AHCY: variants seen among roughly 807,000 people sequenced by gnomAD.
The protein encoded by AHCY is S-adenosyl-L-homocysteine hydrolase.
AHCY carries 24 observed loss-of-function variants against 45.4 expected under a neutral mutation model. The observed-to-expected ratio is 0.53, with a 90% CI of 0.38 to 0.74. The LOEUF (loss-of-function observed/expected upper bound fraction) is 0.74. Ranked by LOEUF, AHCY falls within the 30% of genes least tolerant of loss-of-function variation. The pLI is 0.00. For missense variants in AHCY, 449 were observed against 594.1 expected (o/e 0.76, Z 2.54); for synonymous variants, 245 against 235.1 (o/e 1.04, Z -0.39).
chr20:34,269,946 TAAA>T, the AHCY span, among the ~76,000 whole-genome samples: 636 of 59,118 alleles, frequency 0.011, 5 homozygotes, highest in African/African-American at 0.029. Context: ...AACTCTGTCT[TAAA>T]AAAAAAAAAA....
the AHCY span, among the ~76,000 whole-genome samples, chr20:34,245,166 G>A: frequency 2.6e-5 from 4 of 151,192 alleles, no homozygotes; most frequent in Admixed American, 6.6e-5. Context: ...AAACCCCGTC[G>A]CTACTAAAAA....
the AHCY span, among the ~76,000 whole-genome samples, chr20:34,239,647 G>A: frequency 2.0e-5 from 3 of 152,200 alleles, no homozygotes; most frequent in African/African-American, 7.2e-5. Context: ...TGTTCAGACA[G>A]TTTATGTGAC....
At chr20:34,303,157 C>T in intron 1 of AHCY, 86 bp downstream of exon 1, 1 of 1,543,186 alleles carries the variant, frequency 6.5e-7, no homozygotes, top group South Asian at 1.2e-5. Flanking sequence ...TCCAGAGAGC[C>T]CCGAGTCGGC....
At position 34,280,875 on chromosome 20, in the gene AHCY, G is replaced by A; in HGVS notation, c.*159C>T. The A allele has an allele frequency of 1.8e-6, 2 of 1,105,820 alleles. No homozygotes were observed. Among genetic ancestry groups the A allele is most frequent in the Non-Finnish European group, 2.6e-6 (2 of 763,646 alleles). 68.5% of individuals were successfully genotyped at this position (1,105,820 alleles called of 1,614,324 possible). ...CCCGCTGCCACATTTGGAACAGTAT[G>A]ACGGCTGCAGCAGAGGCCAAAAACT... is the stretch of plus-strand genomic sequence containing the variant. On this transcript the variant is annotated 3_prime_UTR_variant, in exon 10 of 10. Transcript: ENST00000217426.
In AHCY at chr20:34,290,776, T is replaced by C. The variant is rs966253953; in HGVS notation, c.721A>G (p.Ile241Val). The change falls in exon 6 of 10, where the codon ATC becomes GTC. Residue 241 changes from isoleucine to valine, a missense_variant. Ile to Val is a conservative substitution (Grantham distance 29, BLOSUM62 3). Coordinates refer to ENST00000217426, the MANE Select transcript of AHCY (RefSeq NM_000687.4). This position sits in a 1 kb window ranked among gnomAD's most constrained non-coding sequence, Gnocchi z 4.5. ...GCGTTGATGGGGTCAATCTCGGTGA[T>C]GATGACGCGGGCTCCGAAACCCCGC... ...ALRGFGARVIITEIDPINALQ... is the reference protein window; with the variant it reads ...ALRGFGARVIVTEIDPINALQ... 1.2e-6 allele frequency: 2 copies of C among 1,614,032 alleles called. No individual in the cohort carries two copies. The highest frequency in any genetic ancestry group is 1.3e-5 in the African/African-American group (1 of 75,020).
downstream of AHCY, among the ~76,000 whole-genome samples, chr20:34,276,987 G>A (rs185924988): frequency 8.5e-5 from 13 of 152,226 alleles, no homozygotes; most frequent in East Asian, 2.3e-3. Context: ...AAGCAGGGCT[G>A]TCCCAACAGC....
the AHCY span, chr20:34,241,572 C>T: frequency 1.0e-6 from 1 of 973,368 alleles, no homozygotes; most frequent in Non-Finnish European, 1.2e-6. Context: ...TAACAGTTAT[C>T]CCTCCTTTCT....
chr20:34,262,662 CG>C, the AHCY span, among the ~76,000 whole-genome samples: 1 of 152,078 alleles, frequency 6.6e-6, no homozygotes. Context: ...GGTCAGTAGC[CG>C]GGCTAACAAG....
chr20:34,235,891 AAGGAAGGAAAGGAAGG>A, the AHCY span, among the ~76,000 whole-genome samples: 1 of 97,662 alleles, frequency 1.0e-5, no homozygotes, highest in East Asian at 3.6e-4. Flanking sequence ...GGAAGGAAGG[AAGGAAGGAAAGGAAGG>A]AAGGAAGGAA....
intron 1 of AHCY, among the ~76,000 whole-genome samples, chr20:34,297,425 A>G (rs2036610571): frequency 6.6e-6 from 1 of 151,756 alleles, no homozygotes; most frequent in Non-Finnish European, 1.5e-5. Context: ...AGCCTCCCCA[A>G]TAGCTGGGAT....
At chr20:34,279,414 C>T (rs1488753065), downstream of AHCY, among the ~76,000 whole-genome samples, 4 of 148,734 alleles carry the variant, frequency 2.7e-5, no homozygotes, top group African/African-American at 9.9e-5. Flanking sequence ...CAGAGCGAGA[C>T]TGTCTAGAAA....
chr20:34,305,841 G>T (rs1296548312), upstream of AHCY, among the ~76,000 whole-genome samples: 3 of 152,130 alleles, frequency 2.0e-5, no homozygotes, highest in African/African-American at 7.2e-5. Context: ...CCAGCACTTT[G>T]GAAGCCGGGG....
chr20:34,271,009 TG>T, the AHCY span, among the ~76,000 whole-genome samples: 8 of 152,218 alleles, frequency 5.3e-5, no homozygotes, highest in South Asian at 1.7e-3. Context: ...AGTCTCACTC[TG>T]TCACTCAGGT....
downstream of AHCY, among the ~76,000 whole-genome samples, chr20:34,275,821 C>T (rs1004267843): frequency 2.0e-5 from 3 of 151,732 alleles, no homozygotes; most frequent in African/African-American, 7.3e-5. Context: ...GGATTACAGG[C>T]GTGCATCACC....
At chr20:34,295,300 C>A (rs574368126) in intron 2 of AHCY, 95 bp downstream of exon 2, 173 of 1,499,736 alleles carry the variant, frequency 1.2e-4, no homozygotes, top group Non-Finnish European at 1.5e-4. Context: ...GTCAGCTCCA[C>A]ACCTGGAAGG....
At chr20:34,305,971 A>G (rs2036891318), upstream of AHCY, among the ~76,000 whole-genome samples, 1 of 151,260 alleles carries the variant, frequency 6.6e-6, no homozygotes. Context: ...AAACTCAGCT[A>G]CTCAGGAGGC....
At chr20:34,303,731 C>A (rs2036858057), upstream of AHCY, among the ~76,000 whole-genome samples, 1 of 152,230 alleles carries the variant, frequency 6.6e-6, no homozygotes, top group South Asian at 2.1e-4. Context: ...CGGTGGCTCA[C>A]ACCTGTAATC....
In AHCY at chr20:34,292,483, T is replaced by C; in HGVS notation, c.320A>G (p.Asp107Gly). 6.2e-7 allele frequency: 1 copy of C among 1,614,144 alleles called. No homozygotes were observed. Among genetic ancestry groups the C allele is most frequent in the Admixed American group, 1.7e-5 (1 of 60,028 alleles). ...CTCAATGCACCACAGGTACTCCTCG[T>C]CCGTTTCGCCCTTCCAGGCATACAC... ...IPVYAWKGET[D>G]EEYLWCIEQT... Residue 107 changes from aspartate to glycine, a missense_variant, in exon 4 of 10, where the codon GAC becomes GGC. Transcript: ENST00000217426.
chr20:34,292,446 G>A lies in AHCY; in HGVS notation c.357C>T (p.Tyr119=). The A allele has an allele frequency of 6.2e-7, 1 of 1,614,132 alleles. No homozygotes were observed. The highest frequency in any genetic ancestry group is 8.5e-7 in the Non-Finnish European group (1 of 1,180,050). The change falls in exon 4 of 10, where the codon TAC becomes TAT. Residue 119 remains tyrosine (Y), a synonymous_variant. Coordinates refer to ENST00000217426, the MANE Select transcript of AHCY (RefSeq NM_000687.4). ...TCATGTTGAGGGGCCCGTCCTTGAA[G>A]TACAGGGTCTGCTCAATGCACCACA... is the stretch of plus-strand genomic sequence containing the variant. ...EYLWCIEQTL[Y]FKDGPLNMIL... is the part of the protein sequence containing the mutation.
Sources: allele counts gnomAD v4.1 joint callset (sites outside exome capture counted in the v4.1 genomes callset), GRCh38; gene constraint gnomAD v4.1.1; non-coding constraint Gnocchi (gnomAD v3.1); transcripts MANE v1.5; gene names NCBI Gene and HGNC (gene_info 2026-07-23, HGNC 2026-07-21).